Variants in VWA5B1 observed in about 807,000 individuals in gnomAD.
The protein encoded by VWA5B1 is von Willebrand factor A domain containing 5B1, also known as von Willebrand factor A domain-containing protein 5B1.
In VWA5B1, 115 loss-of-function variants were observed where a neutral mutation model predicts 118.2. The ratio of observed to expected loss-of-function variants is 0.97; its 90% CI spans 0.84 to 1.14. The LOEUF (loss-of-function observed/expected upper bound fraction) is 1.14, where lower values mean the gene tolerates loss of function less well. Among genes scored for constraint, VWA5B1 ranks in the 50% most tolerant of loss-of-function variants. The pLI, the probability that VWA5B1 is intolerant of heterozygous loss-of-function variation, is 0.00. For synonymous variants in VWA5B1, 682 were observed against 658.4 expected (o/e 1.04, Z -0.55); for missense variants, 1,596 against 1,603.8 (o/e 1.00, Z 0.08).
At chr1:20,301,519 T>C (rs890120952) in intron 1 of VWA5B1, among the ~76,000 whole-genome samples, 21 of 152,272 alleles carry the variant, frequency 1.4e-4, no homozygotes, top group Non-Finnish European at 1.6e-4. Context: ...TTTTACCACT[T>C]CAAGGTTTTG....
chr1:20,296,299 T>C (rs1434155297), intron 1 of VWA5B1, among the ~76,000 whole-genome samples: 2 of 152,332 alleles, frequency 1.3e-5, no homozygotes, highest in East Asian at 1.9e-4. Context: ...AATACCCATG[T>C]CCATCAGTTT....
Position 20,336,405 on chromosome 1 carries a change from G to C in VWA5B1, c.1861G>C (p.Ala621Pro). Residue 621 changes from alanine to proline, a missense_variant, in exon 13 of 22, where the codon GCC becomes CCC. Physicochemically the swap from Ala to Pro is conservative, Grantham distance 27 (BLOSUM62 -1). Coordinates refer to ENST00000289815, the MANE Select transcript of VWA5B1 (RefSeq NM_001039500.3). Reference sequence around the variant, plus strand: ...ACCCGGGCTGGAAGGTGGAGACTGTGCCAAGAACTCGGGGGCACCCTTCAT... The same window carrying C: ...ACCCGGGCTGGAAGGTGGAGACTGTCCCAAGAACTCGGGGGCACCCTTCAT... ...DGPGLEGGDC[A>P]KNSGAPFILG... 6.5e-7 allele frequency: 1 copy of C among 1,528,118 alleles called. No homozygotes were observed. Among genetic ancestry groups the C allele is most frequent in the Non-Finnish European group, 8.8e-7 (1 of 1,135,076 alleles). The allele number at this position is 1,528,118 out of a possible 1,614,324, so 94.7% of individuals were successfully genotyped here. A position where few individuals can be genotyped will look rare whatever the true frequency, so the allele number is the denominator to read the frequency against.
chr1:20,302,436 TC>T (rs1202164703), intron 1 of VWA5B1, among the ~76,000 whole-genome samples: 4 of 152,194 alleles, frequency 2.6e-5, no homozygotes, highest in African/African-American at 9.6e-5. Flanking sequence ...GCACATGCCA[TC>T]CATTCATTGT....
chr1:20,348,991 G>T (rs367885417), intron 18 of VWA5B1: 3 of 237,198 alleles, frequency 1.3e-5, no homozygotes, highest in Non-Finnish European at 2.7e-5. Context: ...GTTCCCTCAC[G>T]TGCACAGGGA....
At chr1:20,291,318 C>G (rs2088294449) in intron 1 of VWA5B1, among the ~76,000 whole-genome samples, 1 of 147,634 alleles carries the variant, frequency 6.8e-6, no homozygotes, top group African/African-American at 2.6e-5. Context: ...CATGTTGCTA[C>G]TCAGGTCCAG....
chr1:20,319,015 C>T (rs2089121057), intron 6 of VWA5B1, among the ~76,000 whole-genome samples: 1 of 152,210 alleles, frequency 6.6e-6, no homozygotes. Flanking sequence ...ATCTTTGAAA[C>T]CCAAAGCTCA....
chr1:20,335,356 A>G (rs1256578011), intron 12 of VWA5B1, among the ~76,000 whole-genome samples: 1 of 152,240 alleles, frequency 6.6e-6, no homozygotes, highest in Non-Finnish European at 1.5e-5. Context: ...CAGAATTTCC[A>G]AAGTGTTTCA....
chr1:20,314,392 G>A lies in VWA5B1; in HGVS notation c.363G>A (p.Glu121=), dbSNP rs1263607948. 14 of 1,551,926 alleles carry A rather than the reference G, an allele frequency of 9.0e-6. No individual in the cohort carries two copies. In the Admixed American group the frequency reaches 9.8e-5, roughly 11 times the overall value. Residue 121 remains glutamate, a synonymous_variant, in exon 4 of 22, where the codon GAG becomes GAA. Coordinates refer to ENST00000289815, the MANE Select transcript of VWA5B1 (RefSeq NM_001039500.3). ...CACCGGGAAAGGTGACCTTGGACGA[G>A]GATTTGGAGCGGATCCTGTTCGTGG... ...SCTPGKVTLD[E]DLERILFVAN...
rs1196961583 is a variant in VWA5B1 at position 20,299,244 on chromosome 1, C to T, written c.-27+8156C>T. Among the ~76,000 whole-genome samples the T allele has an allele frequency of 2.0e-5, 3 of 152,132 alleles. No homozygotes were observed. The East Asian group carries it at 5.8e-4, about 29-fold the overall frequency. ...ATGCAGCCTCTCCAACTGTCTCTCC[C>T]TTCCCTCTTAACCTTCAGCTGGTTC... On this transcript the variant is annotated intron_variant, in intron 1 of 21. Coordinates refer to ENST00000289815, the MANE Select transcript of VWA5B1 (RefSeq NM_001039500.3).
chr1:20,327,953 G>T lies in VWA5B1; in HGVS notation c.1207G>T (p.Gly403Ter). 6.4e-7 allele frequency: 1 copy of T among 1,551,618 alleles called. No individual in the cohort carries two copies. The highest frequency in any genetic ancestry group is 8.7e-7 in the Non-Finnish European group (1 of 1,147,004). Reference sequence around the variant, plus strand: ...CTGCCTCTTCAATATCATTGGGTTTGGATCCACATTTAAGAGCCTTTTTCC... The same window carrying T: ...CTGCCTCTTCAATATCATTGGGTTTTGATCCACATTTAAGAGCCTTTTTCC... ...PACLFNIIGF[G>*]STFKSLFPSS... Residue 403 changes from glycine (G) to a stop codon, truncating the protein, a stop_gained, in exon 9 of 22, where the codon GGA (glycine) becomes TGA (stop). Transcript: ENST00000289815. LOFTEE classifies it high-confidence loss of function.
intron 12 of VWA5B1, among the ~76,000 whole-genome samples, chr1:20,334,105 T>C (rs1489943163): frequency 6.6e-6 from 1 of 152,202 alleles, no homozygotes; most frequent in Admixed American, 6.5e-5. Flanking sequence ...CATGCAGAAA[T>C]GTGAGCCCTA....
Position 20,352,182 on chromosome 1 carries a change from C to A in VWA5B1, c.3141+10C>A. On this transcript the variant is annotated intron_variant, in intron 21 of 21. Transcript: ENST00000289815. ...CGACTACATACCTCTGGTGAGTGCC[C>A]TGACCCCAGGTGTCAGTCTCCCTCC... 1 of 1,546,886 alleles carries A rather than the reference C, an allele frequency of 6.5e-7. No homozygotes were observed. The highest frequency in any genetic ancestry group is 1.7e-4 in the Middle Eastern group (1 of 5,962).
At chr1:20,334,085 A>G (rs555513129) in intron 12 of VWA5B1, among the ~76,000 whole-genome samples, 28 of 152,242 alleles carry the variant, frequency 1.8e-4, no homozygotes, top group Non-Finnish European at 3.7e-4. Flanking sequence ...CAGCCCTAAC[A>G]AAGTGCCATC....
intron 11 of VWA5B1, 101 bp downstream of exon 11, chr1:20,331,084 A>C: frequency 1.0e-6 from 1 of 974,046 alleles, no homozygotes; most frequent in Non-Finnish European, 1.5e-6. Context: ...GACACCCCAA[A>C]TCTGAGCTCT....
intron 5 of VWA5B1, 102 bp downstream of exon 5, chr1:20,317,777 T>G: frequency 7.2e-7 from 1 of 1,385,664 alleles, no homozygotes; most frequent in Non-Finnish European, 9.6e-7. Flanking sequence ...CTGGCCCAGA[T>G]GGCAGACCTA....
intron 1 of VWA5B1, among the ~76,000 whole-genome samples, chr1:20,301,279 A>C (rs1319268615): frequency 2.6e-5 from 4 of 152,372 alleles, no homozygotes; most frequent in Admixed American, 1.3e-4. Context: ...AGAAAAGGGA[A>C]TGAAAGCAAT....
chr1:20,329,912 T>C (rs1010697182), intron 9 of VWA5B1, among the ~76,000 whole-genome samples: 7 of 152,178 alleles, frequency 4.6e-5, no homozygotes, highest in African/African-American at 1.7e-4. Flanking sequence ...GTTTAATGTG[T>C]TCCAGGAGTG....
At chr1:20,317,804 C>A in intron 5 of VWA5B1, 129 bp downstream of exon 5, 1 of 1,203,498 alleles carries the variant, frequency 8.3e-7, no homozygotes, top group Non-Finnish European at 1.1e-6. Context: ...TACACAAAGC[C>A]TGTGGACCCC....
chr1:20,299,575 T>G (rs1478374207), intron 1 of VWA5B1, among the ~76,000 whole-genome samples: 1 of 152,162 alleles, frequency 6.6e-6, no homozygotes, highest in Non-Finnish European at 1.5e-5. Flanking sequence ...GGCTAATTTT[T>G]GTAGTTTTAG....
Sources: allele counts gnomAD v4.1 joint callset (sites outside exome capture counted in the v4.1 genomes callset), GRCh38; gene constraint gnomAD v4.1.1; transcripts MANE v1.5; gene names NCBI Gene and HGNC (gene_info 2026-07-23, HGNC 2026-07-21).